Variants in GREB1 observed in about 807,000 individuals in gnomAD.
GREB1 encodes the protein protein GREB1.
In GREB1, 106 loss-of-function variants were observed where a neutral mutation model predicts 200.7. The observed-to-expected ratio is 0.53, with a 90% CI of 0.45 to 0.62. The LOEUF (loss-of-function observed/expected upper bound fraction) is 0.62. Among genes scored for constraint, GREB1 ranks in the 20% least tolerant of loss-of-function variants. The pLI is 0.00. For missense variants in GREB1, 2,243 were observed against 2,556.8 expected (o/e 0.88, Z 2.65); for synonymous variants, 1,132 against 1,092.4 (o/e 1.04, Z -0.72).
rs1684354621 is a variant in GREB1 at position 11,625,313 on chromosome 2, G to A, written c.4306+1G>A. On this transcript the variant is annotated splice_donor_variant, in intron 24 of 32. Coordinates refer to ENST00000381486, the MANE Select transcript of GREB1 (RefSeq NM_014668.4). LOFTEE classifies it high-confidence loss of function. Reference sequence around the variant, plus strand: ...CACTATCAGGGTATAAAGAGTGAAGGTCAGACTTTGAATCTCTCGTTTCAC... The same window carrying A: ...CACTATCAGGGTATAAAGAGTGAAGATCAGACTTTGAATCTCTCGTTTCAC... 1 of 1,613,890 alleles carries A rather than the reference G, an allele frequency of 6.2e-7. No individual in the cohort carries two copies. Among genetic ancestry groups the A allele is most frequent in the Non-Finnish European group, 8.5e-7 (1 of 1,179,776 alleles).
intron 1 of GREB1, among the ~76,000 whole-genome samples, chr2:11,528,663 G>A (rs890236122): frequency 1.3e-5 from 2 of 152,150 alleles, no homozygotes; most frequent in African/African-American, 2.4e-5. Flanking sequence ...ACCAAGTTAT[G>A]CTTCATCTGT....
intron 1 of GREB1, among the ~76,000 whole-genome samples, chr2:11,555,811 A>G (rs896364468): frequency 6.6e-6 from 1 of 152,232 alleles, no homozygotes; most frequent in Non-Finnish European, 1.5e-5. Context: ...TGATAGTTAC[A>G]CGACACTGTG....
rs771088023 is a variant in GREB1, at chr2:11,610,987, C to G, written c.2966C>G (p.Ser989Ter). 6.2e-7 allele frequency: 1 copy of G among 1,605,152 alleles called. No individual in the cohort carries two copies. Among genetic ancestry groups the G allele is most frequent in the Non-Finnish European group, 8.5e-7 (1 of 1,176,000 alleles). Residue 989 changes from serine (S) to a stop codon, truncating the protein, a stop_gained, in exon 18 of 33, where the codon TCA becomes TGA. Transcript: ENST00000381486. LOFTEE classifies it high-confidence loss of function. ...GAGATCATCCTGGGCAGTCCCAGCT[C>G]AGGCGTCACCGTGGGGAAGCACTTC... ...HFEIILGSPS[S>*]GVTVGKHFVK...
intron 22 of GREB1, 84 bp downstream of exon 22, chr2:11,619,003 C>T (rs538474384): frequency 1.5e-4 from 185 of 1,244,830 alleles, no homozygotes; most frequent in East Asian, 2.3e-4. Flanking sequence ...TGGGGGTGAC[C>T]GCACCCACGT....
rs1041429626 is a variant in GREB1 at position 11,526,184 on chromosome 2, C to A, written c.-158-30273C>A. 3.3e-5 allele frequency among the ~76,000 whole-genome samples: 5 copies of A among 152,342 alleles called. No individual in the cohort carries two copies. The East Asian group carries it at 9.6e-4, about 29-fold the overall frequency. On this transcript the variant is annotated intron_variant, in intron 1 of 2. Transcript: ENST00000628795. ...GTCTTAAACATTGTCCTTCGTTCTT[C>A]TGCACTCATCTTTGCCACATTTCTT... is the stretch of plus-strand genomic sequence containing the variant.
intron 1 of GREB1, among the ~76,000 whole-genome samples, chr2:11,528,575 C>G (rs536670150): frequency 2.0e-5 from 3 of 152,112 alleles, no homozygotes; most frequent in African/African-American, 7.2e-5. Context: ...AATTATAGTT[C>G]TCTGCAGTCT....
chr2:11,543,278 G>T (rs114492946), intron 1 of GREB1, among the ~76,000 whole-genome samples: 1,651 of 152,296 alleles, frequency 0.011, 36 homozygotes, highest in African/African-American at 0.038. Context: ...ACTACTCTGT[G>T]ATAGTGAATA....
intron 1 of GREB1, among the ~76,000 whole-genome samples, chr2:11,516,307 T>A (rs1673495677): frequency 6.9e-6 from 1 of 144,346 alleles, no homozygotes; most frequent in African/African-American, 2.7e-5. Context: ...TAGATTTTCC[T>A]GCAGGTGTGT....
At chr2:11,498,106 T>C (rs1672937287) in intron 1 of GREB1, among the ~76,000 whole-genome samples, 1 of 150,570 alleles carries the variant, frequency 6.6e-6, no homozygotes, top group Non-Finnish European at 1.5e-5. Context: ...CAAAACATTT[T>C]AATTTTTATG....
At chr2:11,495,519 T>TA (rs920700540) in intron 1 of GREB1, among the ~76,000 whole-genome samples, 1 of 151,002 alleles carries the variant, frequency 6.6e-6, no homozygotes, top group African/African-American at 2.4e-5. Flanking sequence ...AAGGATGCAT[T>TA]AAAAAAAAAT....
intron 1 of GREB1, among the ~76,000 whole-genome samples, chr2:11,526,680 C>T (rs981225754): frequency 4.0e-5 from 6 of 151,836 alleles, no homozygotes; most frequent in African/African-American, 7.3e-5. Flanking sequence ...CTCAGCCTCT[C>T]GAGCAGCTGG....
intron 1 of GREB1, among the ~76,000 whole-genome samples, chr2:11,516,940 T>C (rs544243129): frequency 2.7e-4 from 41 of 152,082 alleles, no homozygotes; most frequent in Middle Eastern, 3.4e-3. Context: ...GCGGGGAGCA[T>C]TGTTTTGGGG....
In GREB1 at chr2:11,618,391, C is replaced by T. The variant is rs920929930; in HGVS notation, c.3516C>T (p.Ala1172=). The change falls in exon 22 of 33, where the codon GCC becomes GCT. Residue 1172 remains alanine (A), a synonymous_variant. Coordinates refer to ENST00000381486, the MANE Select transcript of GREB1 (RefSeq NM_014668.4). ...GTGGCCCCGCAGAGGAGGGCAGAGCCCCTGGTGAGAAACAGAGGCCCCGGG... is the reference window on the plus strand; with the variant it reads ...GTGGCCCCGCAGAGGAGGGCAGAGCTCCTGGTGAGAAACAGAGGCCCCGGG... The part of the protein sequence containing the change: ...QPRGPAEEGR[A]PGEKQRPRAS... 3.1e-6 allele frequency: 5 copies of T among 1,611,656 alleles called. No homozygotes were observed. The South Asian group carries it at 3.3e-5, about 11-fold the overall frequency.
intron 1 of GREB1, among the ~76,000 whole-genome samples, chr2:11,506,742 C>G (rs1673192086): frequency 6.6e-6 from 1 of 152,090 alleles, no homozygotes; most frequent in African/African-American, 2.4e-5. Flanking sequence ...GGCAGAATGA[C>G]CAGAGTTGGA....
At chr2:11,598,650 A>G (rs1681484698) in intron 14 of GREB1, 30 bp from the exon 15 acceptor site, 3 of 1,605,208 alleles carry the variant, frequency 1.9e-6, no homozygotes, top group Non-Finnish European at 2.6e-6. Flanking sequence ...GCATGTTTGC[A>G]GTTACTGATG....
intron 1 of GREB1, among the ~76,000 whole-genome samples, chr2:11,518,747 CAAAAAAA>C: frequency 9.7e-6 from 1 of 102,578 alleles, no homozygotes; most frequent in South Asian, 3.4e-4. Context: ...AAGTGAAATA[CAAAAAAA>C]AAAAAAAGAA....
intron 17 of GREB1, among the ~76,000 whole-genome samples, chr2:11,609,212 A>G (rs1459863863): frequency 6.6e-6 from 1 of 151,674 alleles, no homozygotes; most frequent in African/African-American, 2.4e-5. Context: ...TCCCTACTGC[A>G]CTTTCTTTCT....
At chr2:11,515,141 C>T (rs947277033) in intron 1 of GREB1, among the ~76,000 whole-genome samples, 4 of 149,226 alleles carry the variant, frequency 2.7e-5, no homozygotes, top group Non-Finnish European at 3.0e-5. Flanking sequence ...CATCCACCCA[C>T]CCCCCATCCG....
At chr2:11,529,705 T>C (rs957739571), upstream of GREB1, among the ~76,000 whole-genome samples, 1 of 152,140 alleles carries the variant, frequency 6.6e-6, no homozygotes, top group Non-Finnish European at 1.5e-5. Context: ...AACATGTAGA[T>C]TGGGAAGAGA....
Sources: allele counts gnomAD v4.1 joint callset (sites outside exome capture counted in the v4.1 genomes callset), GRCh38; gene constraint gnomAD v4.1.1; transcripts MANE v1.5; gene names NCBI Gene and HGNC (gene_info 2026-07-23, HGNC 2026-07-21).